The following NPR3 variants were observed in gnomAD, a reference collection of about 807,000 sequenced individuals.
The protein encoded by NPR3 is natriuretic peptide receptor 3, also known as atrial natriuretic peptide receptor 3.
A neutral mutation model predicts 54.5 loss-of-function variants in NPR3; 34 were observed. The observed-to-expected ratio is 0.62, with a 90% CI of 0.47 to 0.83. The LOEUF (loss-of-function observed/expected upper bound fraction) is 0.83, where lower values mean the gene tolerates loss of function less well. Ranked by LOEUF, NPR3 falls within the 40% of genes least tolerant of loss-of-function variation. The pLI is 0.00. For missense variants in NPR3, 674 were observed against 720.8 expected, an observed-to-expected ratio of 0.94 and a Z score of 0.74; for synonymous variants, 289 against 297.1, an observed-to-expected ratio of 0.97 and a Z score of 0.28.
chr5:32,715,140 C>T (rs575541042), intron 1 of NPR3, among the ~76,000 whole-genome samples: 1 of 152,180 alleles, frequency 6.6e-6, no homozygotes, highest in Non-Finnish European at 1.5e-5. Flanking sequence ...GATGCAGATG[C>T]CTCTGGATTT....
chr5:32,729,025 T>C (rs549159774), intron 2 of NPR3, among the ~76,000 whole-genome samples: 1 of 102,180 alleles, frequency 9.8e-6, no homozygotes, highest in Non-Finnish European at 1.8e-5. Context: ...TTTTTTTTTT[T>C]TTTTGTTTTG....
chr5:32,737,184 TC>T (rs995710961), intron 2 of NPR3, among the ~76,000 whole-genome samples: 3 of 152,146 alleles, frequency 2.0e-5, no homozygotes, highest in African/African-American at 7.2e-5. Flanking sequence ...CATGCAGCCT[TC>T]CCCGGGTTAG....
chr5:32,743,005 T>C (rs1035354446), intron 3 of NPR3, among the ~76,000 whole-genome samples: 2 of 152,216 alleles, frequency 1.3e-5, no homozygotes, highest in Non-Finnish European at 2.9e-5. Flanking sequence ...CTTCTGAAAA[T>C]GAAAAATTTG....
intron 5 of NPR3, among the ~76,000 whole-genome samples, chr5:32,781,848 G>T (rs1181894245): frequency 6.6e-6 from 1 of 152,184 alleles, no homozygotes; most frequent in East Asian, 1.9e-4. Flanking sequence ...ACACGCCAGT[G>T]ATTGTTATAT....
upstream of NPR3, among the ~76,000 whole-genome samples, chr5:32,705,419 C>G (rs373964938): frequency 1.3e-5 from 2 of 152,294 alleles, no homozygotes; most frequent in African/African-American, 4.8e-5. Context: ...TTAATTGGCT[C>G]ACAGTTCTAC....
At chr5:32,755,127 C>T (rs974064756) in intron 3 of NPR3, among the ~76,000 whole-genome samples, 9 of 152,070 alleles carry the variant, frequency 5.9e-5, no homozygotes, top group South Asian at 4.1e-4. Flanking sequence ...CCCAAAGTGC[C>T]GGGATTACAG....
At chr5:32,759,108 T>A (rs1234020035) in intron 3 of NPR3, among the ~76,000 whole-genome samples, 2 of 152,202 alleles carry the variant, frequency 1.3e-5, no homozygotes, top group Non-Finnish European at 2.9e-5. Context: ...GTTCTGTAGA[T>A]GTCTATTAGG....
intron 3 of NPR3, among the ~76,000 whole-genome samples, chr5:32,758,653 A>C: frequency 6.6e-6 from 1 of 151,914 alleles, no homozygotes; most frequent in African/African-American, 2.4e-5. Flanking sequence ...TAGCTTTTGA[A>C]TGTGTTTGCT....
At chr5:32,745,855 A>T (rs1231013464) in intron 3 of NPR3, among the ~76,000 whole-genome samples, 1 of 152,112 alleles carries the variant, frequency 6.6e-6, no homozygotes, top group Admixed American at 6.5e-5. Context: ...TGATAATCAG[A>T]TGCTGTTTAT....
chr5:32,716,059 A>G (rs967450078), intron 1 of NPR3, among the ~76,000 whole-genome samples: 1 of 152,262 alleles, frequency 6.6e-6, no homozygotes, highest in African/African-American at 2.4e-5. Context: ...TGTAGGCTGC[A>G]CTGTGGAAAT....
rs759384155 is a variant in NPR3, at chr5:32,738,999, T to C, written c.1028T>C (p.Val343Ala). ...TTTTCCATGGAGGTGAAAAGTTCAG[T>C]TGAGAAACAAGGGCTCAATATGGAG... ...EKFSMEVKSS[V>A]EKQGLNMEDY... is the part of the protein sequence containing the mutation. Residue 343 changes from valine (V) to alanine (A), a missense_variant, in exon 3 of 8, where the codon GTT becomes GCT. Transcript: ENST00000265074. The C allele has an allele frequency of 4.3e-6, 7 of 1,613,836 alleles. No individual in the cohort carries two copies. The East Asian group carries it at 8.9e-5, about 21-fold the overall frequency.
At chr5:32,782,502 T>C (rs938605516) in intron 5 of NPR3, among the ~76,000 whole-genome samples, 1 of 152,158 alleles carries the variant, frequency 6.6e-6, no homozygotes, top group African/African-American at 2.4e-5. Context: ...GGGTAGTGAC[T>C]GAAGAATCCT....
At chr5:32,741,232 A>G (rs1740024083) in intron 3 of NPR3, among the ~76,000 whole-genome samples, 1 of 151,994 alleles carries the variant, frequency 6.6e-6, no homozygotes, top group African/African-American at 2.4e-5. Context: ...AGCTTGGGCA[A>G]CATGGTAAAA....
At chr5:32,771,675 A>T (rs1297102373) in intron 3 of NPR3, among the ~76,000 whole-genome samples, 1 of 152,154 alleles carries the variant, frequency 6.6e-6, no homozygotes, top group African/African-American at 2.4e-5. Flanking sequence ...GGGATGGGTG[A>T]TGCCCGGTGG....
chr5:32,713,550 T>G (rs1738382522), intron 1 of NPR3: 1 of 856,466 alleles, frequency 1.2e-6, no homozygotes, highest in Middle Eastern at 6.0e-4. Flanking sequence ...CTGCTCCCCC[T>G]TGGCGCTCAC....
chr5:32,743,987 A>ATCTTTTTTTTTTTT (rs1425701544), intron 3 of NPR3, among the ~76,000 whole-genome samples: 4 of 113,832 alleles, frequency 3.5e-5, no homozygotes, highest in African/African-American at 6.9e-5. Flanking sequence ...ATTCTGATGC[A>ATCTTTTTTTTTTTT]TTTTTTTTTT....
upstream of NPR3, among the ~76,000 whole-genome samples, chr5:32,708,132 A>C (rs945505942): frequency 1.3e-5 from 2 of 152,024 alleles, no homozygotes; most frequent in African/African-American, 4.8e-5. Context: ...CTTTCTTTCA[A>C]ATGGCTAATT....
At position 32,787,716 on chromosome 5, in the gene NPR3, G is replaced by T. The variant is rs1241235703; in HGVS notation, c.*1371G>T. 1 of 152,114 alleles carries T rather than the reference G, an allele frequency of 6.6e-6. No homozygotes were observed. Among genetic ancestry groups the T allele is most frequent in the African/African-American group, 2.4e-5 (1 of 41,428 alleles). 9.4% of individuals were successfully genotyped at this position (152,114 alleles called of 1,614,324 possible). A position where few individuals can be genotyped will look rare whatever the true frequency, so the allele number is the denominator to read the frequency against. ...ACAAAGTTGAGTAAGTTTTTACTGG[G>T]TATCTGCTTTGCACCCAGTAGTCTG... On this transcript the variant is annotated 3_prime_UTR_variant, in exon 8 of 8. Transcript: ENST00000265074.
At chr5:32,768,167 G>A (rs1403697468) in intron 3 of NPR3, among the ~76,000 whole-genome samples, 1 of 152,182 alleles carries the variant, frequency 6.6e-6, no homozygotes, top group East Asian at 1.9e-4. Context: ...AGGCCTGCAT[G>A]TGTCCCGAGC....
Sources: gnomAD v4.1 joint callset for allele counts (sites outside exome capture counted in the v4.1 genomes callset) on GRCh38, gnomAD v4.1.1 for gene constraint, MANE v1.5 for transcripts, NCBI Gene and HGNC (gene_info 2026-07-23, HGNC 2026-07-21) for gene names.